DRD3: variants seen among roughly 807,000 people sequenced by gnomAD.
The protein encoded by DRD3 is D(3) dopamine receptor.
A neutral mutation model predicts 36.3 loss-of-function variants in DRD3; 19 were observed. That is an observed-to-expected ratio of 0.52 (90% CI 0.36 to 0.77). The LOEUF (loss-of-function observed/expected upper bound fraction) is 0.77. Ranked by LOEUF, DRD3 falls within the 30% of genes least tolerant of loss-of-function variation. The probability of loss-of-function intolerance (pLI) is 0.00; values close to 1 mark genes in which losing one functional copy is unlikely to be tolerated. For synonymous variants in DRD3, 195 were observed against 203.7 expected (o/e 0.96, Z 0.36); for missense variants, 465 against 505.3 (o/e 0.92, Z 0.77).
At chr3:114,151,040 C>G (rs1056598119) in intron 3 of DRD3, among the ~76,000 whole-genome samples, 1 of 152,202 alleles carries the variant, frequency 6.6e-6, no homozygotes, top group Non-Finnish European at 1.5e-5. Context: ...CTACCCACTT[C>G]TTGGGAGGCT....
At chr3:114,134,092 A>G (rs1174248690) in intron 5 of DRD3, among the ~76,000 whole-genome samples, 1 of 152,164 alleles carries the variant, frequency 6.6e-6, no homozygotes, top group East Asian at 1.9e-4. Context: ...ACAGCTTTCC[A>G]GTAAATTTGT....
At chr3:114,135,940 C>A (rs531014753) in intron 5 of DRD3, among the ~76,000 whole-genome samples, 69 of 152,296 alleles carry the variant, frequency 4.5e-4, no homozygotes, top group African/African-American at 1.5e-3. Flanking sequence ...ATCTGCCCAT[C>A]CTGGCCTCTC....
intron 1 of DRD3, among the ~76,000 whole-genome samples, chr3:114,196,862 T>C (rs2078037750): frequency 2.0e-5 from 3 of 152,190 alleles, no homozygotes; most frequent in South Asian, 4.1e-4. Flanking sequence ...GAGTCCATTA[T>C]ACGTTCTAAA....
upstream of DRD3, among the ~76,000 whole-genome samples, chr3:114,182,929 AT>A (rs2077955925): frequency 2.0e-5 from 3 of 152,168 alleles, no homozygotes; most frequent in African/African-American, 7.2e-5. Flanking sequence ...CATTTTAGCT[AT>A]TGTGCATGAC....
rs201384232 is a variant in DRD3 at position 114,147,498 on chromosome 3, C to T, written c.443G>A (p.Arg148Gln). 81 of 1,613,942 alleles carry T rather than the reference C, an allele frequency of 5.0e-5. No individual in the cohort carries two copies. The highest frequency in any genetic ancestry group is 6.1e-5 in the Non-Finnish European group (72 of 1,180,036). ...YQHGTGQSSC[R>Q]RVALMITAVW... ...GGCCGTGATCATGAGGGCCACGCGC[C>T]GACAGGAGCTCTGTCCCGTGCCATG... Residue 148 changes from arginine to glutamine, a missense_variant, in exon 4 of 7, where the codon CGG (arginine) becomes CAG (glutamine). Physicochemically the swap from Arg to Gln is conservative, Grantham distance 43. Transcript: ENST00000383673.
At chr3:114,157,787 T>A (rs1429560696) in intron 3 of DRD3, among the ~76,000 whole-genome samples, 2 of 152,042 alleles carry the variant, frequency 1.3e-5, no homozygotes, top group African/African-American at 4.8e-5. Context: ...CTGAAAATAA[T>A]ACCATTAAAG....
chr3:114,129,826 G>A (rs955997254), intron 6 of DRD3, among the ~76,000 whole-genome samples: 11 of 152,204 alleles, frequency 7.2e-5, no homozygotes, highest in Admixed American at 6.5e-5. Flanking sequence ...GGGAGGCCAA[G>A]GTGGGTGGAT....
chr3:114,143,665 T>A (rs1345793745), intron 4 of DRD3, among the ~76,000 whole-genome samples: 1 of 152,192 alleles, frequency 6.6e-6, no homozygotes, highest in East Asian at 1.9e-4. Context: ...TCTCTTAACT[T>A]TTTGTGCAAC....
intron 1 of DRD3, among the ~76,000 whole-genome samples, chr3:114,174,630 T>C (rs2077880321): frequency 6.6e-6 from 1 of 151,882 alleles, no homozygotes; most frequent in Admixed American, 6.5e-5. Flanking sequence ...GGTTAAACCG[T>C]GATTGTTCAG....
intron 1 of DRD3, among the ~76,000 whole-genome samples, chr3:114,175,189 C>T (rs985957341): frequency 3.3e-5 from 5 of 152,058 alleles, no homozygotes; most frequent in Admixed American, 1.3e-4. Flanking sequence ...TATCCTGGAG[C>T]GGGGGTGCAA....
At chr3:114,190,006 C>A (rs1468160982) in intron 1 of DRD3, among the ~76,000 whole-genome samples, 1 of 152,250 alleles carries the variant, frequency 6.6e-6, no homozygotes, top group Admixed American at 6.5e-5. Flanking sequence ...CTTGTGAAAT[C>A]ACACCTGCTG....
intron 2 of DRD3, among the ~76,000 whole-genome samples, chr3:114,161,727 T>A (rs1032151673): frequency 6.6e-6 from 1 of 152,170 alleles, no homozygotes; most frequent in Non-Finnish European, 1.5e-5. Context: ...GACATAAGAA[T>A]TCCGATCTAA....
intron 2 of DRD3, among the ~76,000 whole-genome samples, chr3:114,162,510 C>A (rs1246568548): frequency 6.6e-6 from 1 of 152,194 alleles, no homozygotes; most frequent in African/African-American, 2.4e-5. Context: ...TAAATGACCT[C>A]TGACATAATC....
At chr3:114,180,690 A>G (rs952969181), upstream of DRD3, among the ~76,000 whole-genome samples, 5 of 152,326 alleles carry the variant, frequency 3.3e-5, no homozygotes, top group South Asian at 6.2e-4. Context: ...GTTAGGTTCC[A>G]TATCCAAGGT....
intron 2 of DRD3, among the ~76,000 whole-genome samples, chr3:114,165,288 G>C (rs1251450370): frequency 6.6e-6 from 1 of 152,092 alleles, no homozygotes; most frequent in Non-Finnish European, 1.5e-5. Context: ...TATCATCAGT[G>C]TGCAGGAAGG....
intron 1 of DRD3, chr3:114,176,141 T>C (rs2077896597): frequency 6.6e-6 from 1 of 152,238 alleles, no homozygotes; most frequent in African/African-American, 2.4e-5. Flanking sequence ...TTCGTGGGGT[T>C]CCTCCTTAGC....
intron 3 of DRD3, among the ~76,000 whole-genome samples, chr3:114,157,425 A>G (rs2077692337): frequency 1.3e-5 from 2 of 152,088 alleles, no homozygotes; most frequent in South Asian, 4.2e-4. Flanking sequence ...AGTCTATCAC[A>G]ATGATCCTCT....
intron 1 of DRD3, among the ~76,000 whole-genome samples, chr3:114,194,848 A>G (rs1043863749): frequency 1.3e-5 from 2 of 149,296 alleles, no homozygotes; most frequent in Non-Finnish European, 3.0e-5. Context: ...TTTTGAAACC[A>G]CTTAAGTAAA....
chr3:114,160,396 G>A (rs527916814), intron 2 of DRD3, among the ~76,000 whole-genome samples: 51 of 152,192 alleles, frequency 3.4e-4, no homozygotes, highest in South Asian at 2.9e-3. Flanking sequence ...ACAGGCATGC[G>A]CCACCAAGCT....
Sources: gnomAD v4.1 joint callset for allele counts (sites outside exome capture counted in the v4.1 genomes callset) on GRCh38, gnomAD v4.1.1 for gene constraint, MANE v1.5 for transcripts, NCBI Gene and HGNC (gene_info 2026-07-23, HGNC 2026-07-21) for gene names.